The following SUGP2 variants were observed in gnomAD, a reference collection of about 807,000 sequenced individuals.
The protein encoded by SUGP2 is SURP and G-patch domain containing 2.
Under a neutral mutation model 90.5 loss-of-function variants are expected in SUGP2, and 24 were observed. The observed-to-expected ratio is 0.27, with a 90% CI of 0.19 to 0.37. SUGP2 has a LOEUF of 0.37. SUGP2 is among the 10% of genes least tolerant of loss of function. The pLI is 1.00. For missense variants in SUGP2, 1,233 were observed against 1,363.3 expected (o/e 0.90, Z 1.51); for synonymous variants, 473 against 513.4 (o/e 0.92, Z 1.06).
chr19:19,025,286 G>A lies in SUGP2; in HGVS notation c.1062C>T (p.Leu354=). The A allele has an allele frequency of 6.2e-7, 1 of 1,613,452 alleles. No individual in the cohort carries two copies. The highest frequency in any genetic ancestry group is 8.5e-7 in the Non-Finnish European group (1 of 1,179,922). ...DIKFSQLFQT[L]FELETETCAK... ...CACAGGTTTCTGTTTCAAGTTCAAA[G>A]AGAGTCTGGAAAAGTTGGGAAAATT... Residue 354 remains leucine (L), a synonymous_variant, in exon 3 of 11, where the codon CTC becomes CTT. Coordinates refer to ENST00000452918, the MANE Select transcript of SUGP2 (RefSeq NM_001017392.5).
At chr19:18,998,482 T>C (rs2057698275) in intron 8 of SUGP2, among the ~76,000 whole-genome samples, 1 of 152,226 alleles carries the variant, frequency 6.6e-6, no homozygotes, top group African/African-American at 2.4e-5. Flanking sequence ...TATTGTCAGT[T>C]CATTTCAACA....
intron 7 of SUGP2, among the ~76,000 whole-genome samples, chr19:19,002,505 GTTTT>G (rs58282570): frequency 4.9e-5 from 3 of 61,104 alleles, no homozygotes; most frequent in Admixed American, 2.6e-4. Flanking sequence ...TAGCAAGTCT[GTTTT>G]TTTTTTTTTT....
chr19:19,016,176 C>A (rs144981708), intron 4 of SUGP2, among the ~76,000 whole-genome samples: 1 of 152,224 alleles, frequency 6.6e-6, no homozygotes, highest in Non-Finnish European at 1.5e-5. Context: ...CTACAGGCAC[C>A]CGCCACCAGG....
chr19:19,003,298 A>G (rs1456796825), intron 7 of SUGP2, among the ~76,000 whole-genome samples: 2 of 152,208 alleles, frequency 1.3e-5, no homozygotes, highest in Non-Finnish European at 2.9e-5. Context: ...CAGTCCCACA[A>G]TGGGGCACCA....
intron 6 of SUGP2, among the ~76,000 whole-genome samples, chr19:19,008,080 G>A (rs912047164): frequency 3.1e-4 from 47 of 152,130 alleles, no homozygotes; most frequent in Admixed American, 2.3e-3. Flanking sequence ...CCCCATAGTA[G>A]GAATGCATTG....
In SUGP2 at chr19:19,026,211, A is replaced by G. The variant is rs1392775557; in HGVS notation, c.137T>C (p.Val46Ala). The G allele has an allele frequency of 6.3e-7, 1 of 1,594,882 alleles. No homozygotes were observed. Among genetic ancestry groups the G allele is most frequent in the East Asian group, 2.2e-5 (1 of 44,572 alleles). The change falls in exon 3 of 11, where the codon GTC (valine) becomes GCC (alanine). Residue 46 changes from valine (V) to alanine (A), a missense_variant. This residue lies in a region of SUGP2 where 418 missense variants were observed against 399.9 expected (regional missense o/e 1.05). Transcript: ENST00000452918. ...ATACATCTCTGCTCTGGATCTTGGG[A>G]CTGCCCTTAAGAGATCTGAAATAAA... ...QFKAQDLLRA[V>A]PRSRAEMYDD...
rs549354023 is a variant in SUGP2 at position 19,008,413 on chromosome 19, A to G, written c.2354T>C (p.Met785Thr). The part of the protein sequence containing the change: ...CPSADIDMKT[M>T]ETAEKLARFV... ...TCTAGCCAGTTTCTCTGCAGTCTCC[A>G]TTGTCTTCATGTCAACTACAAAACA... Residue 785 changes from methionine to threonine, a missense_variant, in exon 6 of 11, where the codon ATG (methionine) becomes ACG (threonine). Physicochemically the swap from Met to Thr is moderately conservative, Grantham distance 81 (BLOSUM62 -1). Coordinates refer to ENST00000452918, the MANE Select transcript of SUGP2 (RefSeq NM_001017392.5). 9.9e-6 allele frequency: 16 copies of G among 1,613,982 alleles called. No homozygotes were observed. Among genetic ancestry groups the G allele is most frequent in the African/African-American group, 9.3e-5 (7 of 75,008 alleles).
intron 4 of SUGP2, among the ~76,000 whole-genome samples, chr19:19,015,235 ATAAT>A (rs2058457118): frequency 8.0e-6 from 1 of 124,990 alleles, no homozygotes; most frequent in Non-Finnish European, 1.8e-5. Flanking sequence ...AAATAAATAA[ATAAT>A]AAAAAGAGAT....
At chr19:19,002,518 T>G (rs1410775666) in intron 7 of SUGP2, among the ~76,000 whole-genome samples, 24 of 141,270 alleles carry the variant, frequency 1.7e-4, no homozygotes, top group East Asian at 8.3e-4. Context: ...TTTTTTTTTT[T>G]TTTTTTTTTT....
chr19:19,001,556 T>G (rs969367649), intron 8 of SUGP2, 57 bp downstream of exon 8: 10 of 1,559,170 alleles, frequency 6.4e-6, no homozygotes, highest in Middle Eastern at 1.7e-4. Flanking sequence ...CCTTTGGAAC[T>G]CCAACAAATT....
chr19:19,023,756 T>TGTACCA (rs532139743), intron 3 of SUGP2, among the ~76,000 whole-genome samples: 1 of 151,988 alleles, frequency 6.6e-6, no homozygotes, highest in Non-Finnish European at 1.5e-5. Flanking sequence ...TAGCCAGGCA[T>TGTACCA]GGTGGTACAT....
rs200167519 is a variant in SUGP2, at chr19:19,024,720, T to C, written c.1628A>G (p.Gln543Arg). 125 of 1,614,098 alleles carry C rather than the reference T, an allele frequency of 7.7e-5. No homozygotes were observed. The highest frequency in any genetic ancestry group is 6.7e-5 in the Admixed American group (4 of 59,988). The change falls in exon 3 of 11, where the codon CAG (glutamine) becomes CGG (arginine). Residue 543 changes from glutamine to arginine, a missense_variant. By Grantham distance (43) the Gln-to-Arg change is conservative. Around this residue, in one of 8 missense-constraint regions of SUGP2, gnomAD observed 540 missense variants for 542.6 expected, o/e 1.00. Coordinates refer to ENST00000452918, the MANE Select transcript of SUGP2 (RefSeq NM_001017392.5). ...CGGCTCTGGTTCGGCTTTCTTAACC[T>C]GGAGGGGACATCCGCTGCTGACTAG... ...AWLVSSGCPL[Q>R]VKKAEPEPMR...
Position 18,994,807 on chromosome 19 carries a change from CCCTGGCTG to C in SUGP2, c.3128+329_3129-322del, listed in dbSNP as rs949199972. On this transcript the variant is annotated intron_variant, in intron 9 of 10. Coordinates refer to ENST00000452918, the MANE Select transcript of SUGP2 (RefSeq NM_001017392.5). Reference sequence around the variant, plus strand: ...ATAAACTTTGGGCCTGTGTTCGGGACCCTGGCTGGCCCGGCTATGGGTTCCCGGGAATG... The same window carrying C: ...ATAAACTTTGGGCCTGTGTTCGGGACGCCCGGCTATGGGTTCCCGGGAATG... 5.7e-6 allele frequency: 3 copies of C among 528,932 alleles called. No homozygotes were observed. In the African/African-American group the frequency reaches 5.7e-5, roughly 10 times the overall value. 32.8% of individuals were successfully genotyped at this position (528,932 alleles called of 1,614,324 possible).
At chr19:19,008,492 C>A in intron 5 of SUGP2, 64 bp from the exon 6 acceptor site, 1 of 1,338,124 alleles carries the variant, frequency 7.5e-7, no homozygotes, top group Non-Finnish European at 1.1e-6. Context: ...GTAAACACTG[C>A]AGGGTTGTGG....
At chr19:19,026,742 C>T (rs1305147323) in intron 2 of SUGP2, among the ~76,000 whole-genome samples, 2 of 152,214 alleles carry the variant, frequency 1.3e-5, no homozygotes, top group Non-Finnish European at 2.9e-5. Flanking sequence ...AGAAGGAAGT[C>T]TCAGCCCACA....
At chr19:19,009,806 G>A (rs771461821) in intron 5 of SUGP2, 49 bp downstream of exon 5, 1 of 1,543,948 alleles carries the variant, frequency 6.5e-7, no homozygotes, top group African/African-American at 1.4e-5. Context: ...CTGGAGATGG[G>A]AGAGTAGGGA....
At chr19:19,033,657 T>A, upstream of SUGP2, 2 of 854,334 alleles carry the variant, frequency 2.3e-6, no homozygotes, top group Non-Finnish European at 3.0e-6. Context: ...GCGGACGCTC[T>A]GGAGGCAAAA....
chr19:19,029,290 C>T (rs1052188074), intron 2 of SUGP2, among the ~76,000 whole-genome samples: 3 of 151,668 alleles, frequency 2.0e-5, no homozygotes, highest in Non-Finnish European at 4.4e-5. Context: ...TACAGGCGCC[C>T]GCCACCACGC....
chr19:18,992,560 CA>C lies in SUGP2; in HGVS notation c.*1180del, dbSNP rs1373919962. On this transcript the variant is annotated 3_prime_UTR_variant, in exon 11 of 11. Coordinates refer to ENST00000452918, the MANE Select transcript of SUGP2 (RefSeq NM_001017392.5). ...AGAGACGGGGTTACACCATGTTGGCCAGGCTGGTCTCAAACTCCTGACCTCA... is the reference window on the plus strand; with the variant it reads ...AGAGACGGGGTTACACCATGTTGGCCGGCTGGTCTCAAACTCCTGACCTCA... The C allele has an allele frequency of 3.9e-5, 6 of 152,136 alleles. No homozygotes were observed. The highest frequency in any genetic ancestry group is 1.4e-4 in the African/African-American group (6 of 41,408). The allele number at this position is 152,136 out of a possible 1,614,324, so 9.4% of individuals were successfully genotyped here.
Sources: gnomAD v4.1 joint callset for allele counts (sites outside exome capture counted in the v4.1 genomes callset) on GRCh38, gnomAD v4.1.1 for gene constraint, gnomAD v4.1.1 regional missense constraint, MANE v1.5 for transcripts, NCBI Gene and HGNC (gene_info 2026-07-23, HGNC 2026-07-21) for gene names.